MAP3K13: variants seen among roughly 807,000 people sequenced by gnomAD.
MAP3K13 encodes the protein leucine zipper-bearing kinase.
A neutral mutation model predicts 104.0 loss-of-function variants in MAP3K13; 52 were observed. The ratio of observed to expected loss-of-function variants is 0.50; its 90% CI spans 0.40 to 0.63. The LOEUF is 0.63. Ranked by LOEUF, MAP3K13 falls within the 20% of genes least tolerant of loss-of-function variation. MAP3K13 has a pLI of 0.00. For synonymous variants in MAP3K13, 394 were observed against 442.2 expected, an observed-to-expected ratio of 0.89 and a Z score of 1.37; for missense variants, 914 against 1,218.5, an observed-to-expected ratio of 0.75 and a Z score of 3.72.
At chr3:185,391,814 T>C (rs1323357240) in intron 1 of MAP3K13, among the ~76,000 whole-genome samples, 1 of 152,210 alleles carries the variant, frequency 6.6e-6, no homozygotes, top group Non-Finnish European at 1.5e-5. Context: ...GGCCATTCTA[T>C]GGAACTGTTC....
upstream of MAP3K13, among the ~76,000 whole-genome samples, chr3:185,361,081 T>C (rs559713796): frequency 3.2e-5 from 3 of 94,776 alleles, no homozygotes; most frequent in East Asian, 6.0e-4. Context: ...TGTATATGTG[T>C]ATGTGTATAT....
At chr3:185,345,296 C>T (rs1722878027) in intron 2 of MAP3K13, among the ~76,000 whole-genome samples, 1 of 152,276 alleles carries the variant, frequency 6.6e-6, no homozygotes, top group South Asian at 2.1e-4. Flanking sequence ...GCTTTTCATT[C>T]CAAATCCTCC....
intron 7 of MAP3K13, among the ~76,000 whole-genome samples, chr3:185,451,910 C>T (rs1040441655): frequency 5.4e-5 from 8 of 148,856 alleles, no homozygotes; most frequent in Non-Finnish European, 1.0e-4. Context: ...AAAGAAAAAA[C>T]ACGTGTCAGA....
In MAP3K13 at chr3:185,297,729, C is replaced by T. The variant is rs538128100; in HGVS notation, c.-86+12086C>T. On this transcript the variant is annotated intron_variant, in intron 2 of 14. Coordinates refer to the MAP3K13 transcript ENST00000424227. ...CAGTCTGGGCAACACAGTGAGACTC[C>T]GTCTCAAAAAAAAAAAAAAAGAAAA... Among the ~76,000 whole-genome samples the T allele has an allele frequency of 3.6e-4, 34 of 93,824 alleles. No individual in the cohort carries two copies. The East Asian group carries it at 6.9e-3, about 19-fold the overall frequency. The allele number at this position is 93,824 out of a possible 152,430, so 61.6% of individuals were successfully genotyped here.
chr3:185,394,306 G>C (rs2108770746), intron 1 of MAP3K13, among the ~76,000 whole-genome samples: 1 of 152,142 alleles, frequency 6.6e-6, no homozygotes, highest in South Asian at 2.1e-4. Flanking sequence ...TGTCCCTCTG[G>C]GTACAAGTCC....
At chr3:185,479,244 A>G (rs1190192185) in intron 12 of MAP3K13, among the ~76,000 whole-genome samples, 2 of 152,180 alleles carry the variant, frequency 1.3e-5, no homozygotes, top group African/African-American at 4.8e-5. Flanking sequence ...CAGGGCCACC[A>G]TGCCCAGTGG....
At position 185,473,141 on chromosome 3, in the gene MAP3K13, G is replaced by T; in HGVS notation, c.1810G>T (p.Ala604Ser). The change falls in exon 11 of 14, where the codon GCA (alanine) becomes TCA (serine). Residue 604 changes from alanine to serine, a missense_variant. Ala to Ser is a moderately conservative substitution (Grantham distance 99). Coordinates refer to ENST00000265026, the MANE Select transcript of MAP3K13 (RefSeq NM_004721.5). The surrounding 1 kb of genome is among the most constrained non-coding windows in gnomAD (Gnocchi z 4.9). The stretch of plus-strand genomic sequence containing the variant: ...CAGAGGCAGCCATAGTGACTTTGCC[G>T]CAATCTTGAAAAACCAGCCAGCCCA... ...NSRGSHSDFA[A>S]ILKNQPAQEN... is the part of the protein sequence containing the mutation. The T allele has an allele frequency of 1.2e-6, 2 of 1,614,040 alleles. No homozygotes were observed. The highest frequency in any genetic ancestry group is 1.7e-6 in the Non-Finnish European group (2 of 1,180,010).
chr3:185,303,698 A>G (rs1348272035), intron 2 of MAP3K13, among the ~76,000 whole-genome samples: 3 of 151,466 alleles, frequency 2.0e-5, no homozygotes, highest in Non-Finnish European at 2.9e-5. Context: ...TTGTTATTTG[A>G]ATCTTCTCTA....
chr3:185,326,330 A>T (rs533233286), intron 2 of MAP3K13, among the ~76,000 whole-genome samples: 1 of 152,168 alleles, frequency 6.6e-6, no homozygotes, highest in East Asian at 1.9e-4. Context: ...TAAAAGCCTC[A>T]AACCCCACCA....
intron 1 of MAP3K13, among the ~76,000 whole-genome samples, chr3:185,388,940 A>T (rs1387232686): frequency 6.6e-6 from 1 of 152,204 alleles, no homozygotes; most frequent in Non-Finnish European, 1.5e-5. Flanking sequence ...AATTTGTGTC[A>T]TATTCGTTCT....
chr3:185,300,672 A>T (rs1721074137), intron 2 of MAP3K13, among the ~76,000 whole-genome samples: 1 of 151,236 alleles, frequency 6.6e-6, no homozygotes, highest in African/African-American at 2.4e-5. Context: ...TTGTATTTTT[A>T]GTAGAGACAG....
At chr3:185,424,081 G>T (rs1714284161) in intron 1 of MAP3K13, among the ~76,000 whole-genome samples, 1 of 152,208 alleles carries the variant, frequency 6.6e-6, no homozygotes, top group African/African-American at 2.4e-5. Context: ...TAAGTAGTCT[G>T]TGAGCTTCAA....
intron 7 of MAP3K13, among the ~76,000 whole-genome samples, chr3:185,457,381 G>A (rs1358013844): frequency 6.6e-6 from 1 of 152,210 alleles, no homozygotes; most frequent in Non-Finnish European, 1.5e-5. Flanking sequence ...AACAGCAGAA[G>A]TTAGTCTCAC....
Position 185,428,721 on chromosome 3 carries a change from A to T in MAP3K13, c.140A>T (p.Gln47Leu). ...HPSPKLLEDQ[Q>L]EKGMVRTELI... ...TCTCCCAAGCTGCTCGAGGACCAGC[A>T]GGAAAAGGGGATGGTACGAACAGAG... The change falls in exon 2 of 14, where the codon CAG becomes CTG. Residue 47 changes from glutamine to leucine, a missense_variant. Gln to Leu is a moderately radical substitution (Grantham distance 113, BLOSUM62 -2). Transcript: ENST00000265026. The T allele has an allele frequency of 6.2e-7, 1 of 1,614,208 alleles. No homozygotes were observed. Among genetic ancestry groups the T allele is most frequent in the Non-Finnish European group, 8.5e-7 (1 of 1,180,022 alleles).
Position 185,298,015 on chromosome 3 carries a change from T to C in MAP3K13, c.-86+12372T>C, listed in dbSNP as rs576138383. On this transcript the variant is annotated intron_variant, in intron 2 of 14. Coordinates refer to the MAP3K13 transcript ENST00000424227. ...ACTGAGTCTGAGAATTATTGCCATG[T>C]CTGCAGGCCAGAGATAAAGCAGGGA... Among the ~76,000 whole-genome samples, 3 of 152,074 alleles carry C rather than the reference T, an allele frequency of 2.0e-5. No homozygotes were observed. In the East Asian group the frequency reaches 5.8e-4, roughly 29 times the overall value.
chr3:185,324,029 G>C lies in MAP3K13; in HGVS notation c.-86+38386G>C, dbSNP rs143562304. ...TTTATTTTTATTTATTCATTTTTTT[G>C]AGACGGAGTCTTGCTCTGTCGCCCA... On this transcript the variant is annotated intron_variant, in intron 2 of 14. Transcript: ENST00000424227. Among the ~76,000 whole-genome samples the C allele has an allele frequency of 2.1e-3, 315 of 151,876 alleles. 2 individuals carry two copies. The highest frequency in any genetic ancestry group is 7.0e-3 in the African/African-American group (292 of 41,432).
chr3:185,428,010 C>A (rs564133712), intron 1 of MAP3K13, among the ~76,000 whole-genome samples: 1 of 150,408 alleles, frequency 6.6e-6, no homozygotes, highest in African/African-American at 2.5e-5. Flanking sequence ...ACCTGGGAAG[C>A]GGAGGTTGCA....
At chr3:185,454,992 TATATGATATATATGAG>T (rs1314481438) in intron 7 of MAP3K13, among the ~76,000 whole-genome samples, 1 of 44,508 alleles carries the variant, frequency 2.2e-5, no homozygotes, top group Non-Finnish European at 5.8e-5. Context: ...ATATGAGATA[TATATGATATATATGAG>T]ATATATATGA....
At chr3:185,343,639 G>A (rs1722803942) in intron 2 of MAP3K13, among the ~76,000 whole-genome samples, 1 of 152,104 alleles carries the variant, frequency 6.6e-6, no homozygotes, top group African/African-American at 2.4e-5. Context: ...TTTTAGTAGA[G>A]ATGGGGTTTC....
Sources: gnomAD v4.1 joint callset for allele counts (sites outside exome capture counted in the v4.1 genomes callset) on GRCh38, gnomAD v4.1.1 for gene constraint, Gnocchi (gnomAD v3.1) non-coding constraint, MANE v1.5 for transcripts, NCBI Gene and HGNC (gene_info 2026-07-23, HGNC 2026-07-21) for gene names.